Variants in ARHGAP18 observed in about 807,000 individuals in gnomAD.
ARHGAP18 encodes the protein Rho GTPase activating protein 18, also known as rho GTPase-activating protein 18.
A neutral mutation model predicts 86.2 loss-of-function variants in ARHGAP18; 67 were observed. That is an observed-to-expected ratio of 0.78 (90% CI 0.64 to 0.95). The LOEUF (loss-of-function observed/expected upper bound fraction) is 0.95, where lower values mean the gene tolerates loss of function less well. Ranked by LOEUF, ARHGAP18 falls within the 40% of genes least tolerant of loss-of-function variation. The pLI is 0.00. For synonymous variants in ARHGAP18, 283 were observed against 280.4 expected (o/e 1.01, Z -0.09); for missense variants, 691 against 780.4 (o/e 0.89, Z 1.37).
intron 1 of ARHGAP18, among the ~76,000 whole-genome samples, chr6:129,686,879 C>T (rs1262551673): frequency 6.6e-6 from 1 of 151,332 alleles, no homozygotes; most frequent in Non-Finnish European, 1.5e-5. Flanking sequence ...CAACCTCCAC[C>T]TCCTAGGTTC....
At chr6:129,634,133 C>A (rs913040106) in intron 3 of ARHGAP18, 28 bp from the exon 4 acceptor site, 1 of 1,604,220 alleles carries the variant, frequency 6.2e-7, no homozygotes, top group South Asian at 1.1e-5. Flanking sequence ...GCCATTTAGT[C>A]ATCTCCAACT....
At chr6:129,661,203 A>C (rs1773943761) in intron 1 of ARHGAP18, among the ~76,000 whole-genome samples, 1 of 151,526 alleles carries the variant, frequency 6.6e-6, no homozygotes, top group Admixed American at 6.6e-5. Flanking sequence ...AAGAAGTGGA[A>C]GCAGCCAGGT....
chr6:129,587,073 GAATC>G (rs1356858095), intron 12 of ARHGAP18, among the ~76,000 whole-genome samples: 1 of 152,060 alleles, frequency 6.6e-6, no homozygotes, highest in African/African-American at 2.4e-5. Context: ...TTGATTAAAT[GAATC>G]ATTCAAAATT....
At chr6:129,646,179 T>C (rs1773575498) in intron 1 of ARHGAP18, among the ~76,000 whole-genome samples, 1 of 151,956 alleles carries the variant, frequency 6.6e-6, no homozygotes, top group Admixed American at 6.6e-5. Context: ...GAACTGGGAG[T>C]CTAAGTACCA....
chr6:129,618,180 G>C (rs756804271), intron 6 of ARHGAP18, among the ~76,000 whole-genome samples: 16 of 151,820 alleles, frequency 1.1e-4, no homozygotes, highest in Non-Finnish European at 2.1e-4. Context: ...TGTCACAATG[G>C]TGGTATTTTC....
At chr6:129,632,182 T>C (rs1773232826) in intron 4 of ARHGAP18, among the ~76,000 whole-genome samples, 1 of 152,210 alleles carries the variant, frequency 6.6e-6, no homozygotes, top group Non-Finnish European at 1.5e-5. Flanking sequence ...GTTAATTCAC[T>C]GGCTAGTGAA....
chr6:129,643,891 G>C (rs1006139206), intron 1 of ARHGAP18, among the ~76,000 whole-genome samples: 5 of 152,110 alleles, frequency 3.3e-5, no homozygotes, highest in Admixed American at 3.3e-4. Flanking sequence ...AATTCCAACT[G>C]GTTAGAAAAA....
At chr6:129,629,063 A>G (rs1458532812) in intron 5 of ARHGAP18, among the ~76,000 whole-genome samples, 1 of 152,096 alleles carries the variant, frequency 6.6e-6, no homozygotes, top group African/African-American at 2.4e-5. Context: ...CGTGGGTTCT[A>G]CATTTTTAAA....
At chr6:129,593,960 G>A (rs991252467) in intron 12 of ARHGAP18, among the ~76,000 whole-genome samples, 3 of 152,030 alleles carry the variant, frequency 2.0e-5, no homozygotes, top group Admixed American at 6.6e-5. Flanking sequence ...AATTATAAAC[G>A]GTTAGTTTTA....
At position 129,635,412 on chromosome 6, in the gene ARHGAP18, C is replaced by T. The variant is rs552269990; in HGVS notation, c.553-1307G>A. ...TGACTACCAAGTCACAGAAGTGGTA[C>T]GTGGGTACCCAGCATCACTTTAATC... is the stretch of plus-strand genomic sequence containing the variant. On this transcript the variant is annotated intron_variant, in intron 3 of 14. Transcript: ENST00000368149. Among the ~76,000 whole-genome samples the T allele has an allele frequency of 1.5e-3, 236 of 152,286 alleles. 1 individual carries two copies. Among genetic ancestry groups the T allele is most frequent in the Non-Finnish European group, 1.8e-3 (124 of 68,026 alleles).
intron 5 of ARHGAP18, among the ~76,000 whole-genome samples, chr6:129,628,702 A>G (rs1163256751): frequency 6.6e-6 from 1 of 152,156 alleles, no homozygotes; most frequent in Non-Finnish European, 1.5e-5. Flanking sequence ...ACAATCAGAA[A>G]ACTGATTTGG....
chr6:129,622,204 C>T (rs1049751695), intron 5 of ARHGAP18, among the ~76,000 whole-genome samples: 3 of 152,080 alleles, frequency 2.0e-5, no homozygotes, highest in Non-Finnish European at 4.4e-5. Flanking sequence ...TTCGTGTTCC[C>T]CTGATTTTCT....
In ARHGAP18 at chr6:129,577,962, T is replaced by C. The variant is rs1029967081; in HGVS notation, c.*551A>G. 5 of 152,222 alleles carry C rather than the reference T, an allele frequency of 3.3e-5. No homozygotes were observed. The highest frequency in any genetic ancestry group is 1.2e-4 in the African/African-American group (5 of 41,456). 9.4% of individuals were successfully genotyped at this position (152,222 alleles called of 1,614,324 possible). On this transcript the variant is annotated 3_prime_UTR_variant, in exon 15 of 15. Transcript: ENST00000368149. ...ACAGCAGGAAAAGGTGGAATGTTAT[T>C]ATTTGAGCAAATGATTCAAAGAGAT...
At chr6:129,608,154 G>A (rs1788898184) in intron 8 of ARHGAP18, 102 bp from the exon 9 acceptor site, 1 of 1,345,974 alleles carries the variant, frequency 7.4e-7, no homozygotes, top group Non-Finnish European at 9.7e-7. Context: ...AAGAGACTCT[G>A]CTCTTTAGAC....
At chr6:129,688,316 C>T (rs1401580299) in intron 1 of ARHGAP18, among the ~76,000 whole-genome samples, 7 of 151,958 alleles carry the variant, frequency 4.6e-5, no homozygotes, top group East Asian at 1.9e-4. Context: ...GGATGTAAGA[C>T]GTCATTCTTC....
At chr6:129,645,398 G>A (rs1773557717) in intron 1 of ARHGAP18, among the ~76,000 whole-genome samples, 1 of 152,130 alleles carries the variant, frequency 6.6e-6, no homozygotes, top group Admixed American at 6.6e-5. Flanking sequence ...ACATCTGCTA[G>A]ATGTAATGAA....
intron 4 of ARHGAP18, among the ~76,000 whole-genome samples, chr6:129,630,804 T>C (rs1448256724): frequency 6.6e-6 from 1 of 152,122 alleles, no homozygotes; most frequent in Non-Finnish European, 1.5e-5. Flanking sequence ...CATCCTGAAA[T>C]GTAAATAAGA....
At chr6:129,584,133 T>C (rs755026726) in intron 12 of ARHGAP18, 21 bp from the exon 13 acceptor site, 11 of 1,612,992 alleles carry the variant, frequency 6.8e-6, no homozygotes, top group Non-Finnish European at 8.5e-6. Flanking sequence ...ATAATGACAC[T>C]GGAACAAAGC....
chr6:129,603,457 G>T (rs1788790333), intron 10 of ARHGAP18, among the ~76,000 whole-genome samples: 1 of 152,002 alleles, frequency 6.6e-6, no homozygotes, highest in African/African-American at 2.4e-5. Flanking sequence ...TTTATCACTG[G>T]CCTGGTGGTA....
Sources: allele counts gnomAD v4.1 joint callset (sites outside exome capture counted in the v4.1 genomes callset), GRCh38; gene constraint gnomAD v4.1.1; transcripts MANE v1.5; gene names NCBI Gene and HGNC (gene_info 2026-07-23, HGNC 2026-07-21).